The following KDM4C variants were observed in gnomAD, a reference collection of about 807,000 sequenced individuals.
KDM4C encodes lysine-specific demethylase 4C.
In KDM4C, 81 loss-of-function variants were observed where a neutral mutation model predicts 129.3. The ratio of observed to expected loss-of-function variants is 0.63; its 90% CI spans 0.52 to 0.75. KDM4C has a LOEUF of 0.75. KDM4C is among the 30% of genes least tolerant of loss of function. The probability of loss-of-function intolerance (pLI) is 0.00; values close to 1 mark genes in which losing one functional copy is unlikely to be tolerated. For missense variants in KDM4C, 1,457 were observed against 1,304.0 expected (o/e 1.12, Z -1.81); for synonymous variants, 573 against 456.1 (o/e 1.26, Z -3.26).
chr9:6,811,458 C>A (rs1198919194), intron 3 of KDM4C, among the ~76,000 whole-genome samples: 1 of 152,136 alleles, frequency 6.6e-6, no homozygotes, highest in Non-Finnish European at 1.5e-5. Context: ...TAGCACCTGA[C>A]CTGGCATTGG....
chr9:6,810,695 G>A (rs1376411351), intron 3 of KDM4C, among the ~76,000 whole-genome samples: 1 of 151,942 alleles, frequency 6.6e-6, no homozygotes, highest in Non-Finnish European at 1.5e-5. Context: ...AACAAAGTGA[G>A]ACCCTGTCTC....
At chr9:7,160,683 C>G (rs1843690857) in intron 19 of KDM4C, among the ~76,000 whole-genome samples, 1 of 152,194 alleles carries the variant, frequency 6.6e-6, no homozygotes, top group East Asian at 1.9e-4. Flanking sequence ...ATATTGCTGC[C>G]TGATCCTTCC....
At chr9:7,126,730 A>G (rs888163527) in intron 18 of KDM4C, among the ~76,000 whole-genome samples, 19 of 152,206 alleles carry the variant, frequency 1.2e-4, no homozygotes, top group Admixed American at 1.2e-3. Context: ...AAGCACCTGT[A>G]TCTGAGTTTC....
chr9:6,792,464 C>T (rs979097567), intron 1 of KDM4C, among the ~76,000 whole-genome samples: 1 of 152,052 alleles, frequency 6.6e-6, no homozygotes, highest in African/African-American at 2.4e-5. Context: ...TCTTGGCTCA[C>T]TGCAACTTCA....
At chr9:6,798,000 A>C (rs1213520606) in intron 2 of KDM4C, among the ~76,000 whole-genome samples, 1 of 152,190 alleles carries the variant, frequency 6.6e-6, no homozygotes, top group East Asian at 1.9e-4. Context: ...TAAAGATCTC[A>C]GTATGTTGTG....
intron 19 of KDM4C, among the ~76,000 whole-genome samples, chr9:7,141,362 CA>C (rs1841724186): frequency 6.8e-6 from 1 of 147,050 alleles, no homozygotes; most frequent in Non-Finnish European, 1.5e-5. Flanking sequence ...CAAAACAAAA[CA>C]GAACAACAAC....
chr9:6,975,119 A>C (rs192376100), intron 8 of KDM4C, among the ~76,000 whole-genome samples: 1 of 152,340 alleles, frequency 6.6e-6, no homozygotes, highest in East Asian at 1.9e-4. Flanking sequence ...ATTGCTTTAT[A>C]ATTGCCTTAC....
intron 4 of KDM4C, among the ~76,000 whole-genome samples, chr9:6,848,353 A>C (rs1235711008): frequency 6.6e-6 from 1 of 152,080 alleles, no homozygotes; most frequent in African/African-American, 2.4e-5. Context: ...ATTTCTAAGC[A>C]GTTGTGAACT....
chr9:7,071,563 A>G (rs931583788), intron 17 of KDM4C, among the ~76,000 whole-genome samples: 1 of 152,214 alleles, frequency 6.6e-6, no homozygotes, highest in Non-Finnish European at 1.5e-5. Context: ...AAAAATTTGG[A>G]AAATAAATAC....
intron 4 of KDM4C, among the ~76,000 whole-genome samples, chr9:6,815,548 G>A (rs930165210): frequency 1.3e-5 from 2 of 152,010 alleles, no homozygotes; most frequent in Non-Finnish European, 2.9e-5. Flanking sequence ...CTTATCTACT[G>A]AAAGGTGGAA....
At chr9:6,730,366 A>C (rs1264236191) in intron 1 of KDM4C, among the ~76,000 whole-genome samples, 1 of 152,204 alleles carries the variant, frequency 6.6e-6, no homozygotes, top group Non-Finnish European at 1.5e-5. Flanking sequence ...CTGTAATTCC[A>C]GCACTTTCGG....
intron 8 of KDM4C, among the ~76,000 whole-genome samples, chr9:6,958,396 C>G (rs574105615): frequency 2.0e-5 from 3 of 151,966 alleles, no homozygotes; most frequent in Admixed American, 6.6e-5. Flanking sequence ...ACCAGCCTGA[C>G]CAACATGGTG....
chr9:6,980,115 A>G (rs1405737726), intron 8 of KDM4C, among the ~76,000 whole-genome samples: 1 of 152,206 alleles, frequency 6.6e-6, no homozygotes, highest in East Asian at 1.9e-4. Flanking sequence ...GGGATTGTCA[A>G]GGTCTATCAG....
At chr9:7,054,688 A>G (rs1199825987) in intron 17 of KDM4C, among the ~76,000 whole-genome samples, 2 of 152,202 alleles carry the variant, frequency 1.3e-5, no homozygotes, top group African/African-American at 4.8e-5. Flanking sequence ...TAGTTGCTGT[A>G]TGTTTACCAT....
chr9:7,129,295 G>C (rs1840361962), intron 19 of KDM4C, among the ~76,000 whole-genome samples: 1 of 152,184 alleles, frequency 6.6e-6, no homozygotes, highest in African/African-American at 2.4e-5. Context: ...CATTGATTCA[G>C]TTAGTTTTGT....
chr9:6,869,526 T>TAGTA (rs1238067339), intron 5 of KDM4C, among the ~76,000 whole-genome samples: 1 of 152,242 alleles, frequency 6.6e-6, no homozygotes, highest in Non-Finnish European at 1.5e-5. Context: ...GGAATAATAC[T>TAGTA]GCTCACAGTG....
In KDM4C at chr9:6,990,502, G is replaced by A; in HGVS notation, c.1764G>A (p.Lys588=). 1 of 1,611,332 alleles carries A rather than the reference G, an allele frequency of 6.2e-7. No homozygotes were observed. The highest frequency in any genetic ancestry group is 8.5e-7 in the Non-Finnish European group (1 of 1,178,896). Residue 588 remains lysine (K), a synonymous_variant, in exon 12 of 22, where the codon AAG becomes AAA. Transcript: ENST00000381309. ...CAAGATCTCCGATGACTCTTGTGAA[G>A]CAGCAGGCGCCAAGTGATGAAGGTG... ...PPARSPMTLV[K]QQAPSDEELP...
intron 5 of KDM4C, among the ~76,000 whole-genome samples, chr9:6,862,768 C>T (rs1841173413): frequency 6.6e-6 from 1 of 152,132 alleles, no homozygotes; most frequent in Non-Finnish European, 1.5e-5. Flanking sequence ...GATCACGCCA[C>T]TGTACTCCAG....
In KDM4C at chr9:6,731,796, C is replaced by T. The variant is rs749846385; in HGVS notation, c.49+10799C>T. Among the ~76,000 whole-genome samples the T allele has an allele frequency of 5.3e-5, 8 of 152,226 alleles. No individual in the cohort carries two copies. The East Asian group carries it at 5.8e-4, about 11-fold the overall frequency. On this transcript the variant is annotated intron_variant, in intron 1 of 17. Transcript: ENST00000536108. The stretch of plus-strand genomic sequence containing the variant: ...AACTTAGGGCCTTAGCGCCATTTTC[C>T]GTTACCACCATTTTGGGTTTCTGGC...
Sources: allele counts gnomAD v4.1 joint callset (sites outside exome capture counted in the v4.1 genomes callset), GRCh38; gene constraint gnomAD v4.1.1; transcripts MANE v1.5; gene names NCBI Gene and HGNC (gene_info 2026-07-23, HGNC 2026-07-21).